SPATA13: variants seen among roughly 807,000 people sequenced by gnomAD.
The protein encoded by SPATA13 is spermatogenesis associated 13.
Under a neutral mutation model 104.0 loss-of-function variants are expected in SPATA13, and 50 were observed. That is an observed-to-expected ratio of 0.48 (90% CI 0.38 to 0.61). The LOEUF is 0.61. Ranked by LOEUF, SPATA13 falls within the 20% of genes least tolerant of loss-of-function variation. The pLI, the probability that SPATA13 is intolerant of heterozygous loss-of-function variation, is 0.00. For missense variants in SPATA13, 1,524 were observed against 1,690.6 expected, an observed-to-expected ratio of 0.90 and a Z score of 1.73; for synonymous variants, 606 against 667.5, an observed-to-expected ratio of 0.91 and a Z score of 1.42.
intron 1 of SPATA13, among the ~76,000 whole-genome samples, chr13:24,203,310 C>G (rs894693639): frequency 3.4e-4 from 52 of 152,046 alleles, no homozygotes; most frequent in African/African-American, 1.2e-3. Flanking sequence ...ACCAATTACC[C>G]TGACGGTAAT....
At chr13:24,239,127 C>A (rs1319868002) in intron 2 of SPATA13, among the ~76,000 whole-genome samples, 1 of 152,140 alleles carries the variant, frequency 6.6e-6, no homozygotes, top group African/African-American at 2.4e-5. Context: ...TTACCTTGTT[C>A]CTCATGTATC....
In SPATA13 at chr13:24,180,579, G is replaced by T. The variant is rs1486624624; in HGVS notation, c.-112+19647G>T. 2.0e-5 allele frequency among the ~76,000 whole-genome samples: 3 copies of T among 152,252 alleles called. No homozygotes were observed. In the East Asian group the frequency reaches 5.8e-4, roughly 29 times the overall value. On this transcript the variant is annotated intron_variant, in intron 1 of 12. Coordinates refer to ENST00000382108, the MANE Select transcript of SPATA13 (RefSeq NM_001166271.3). Reference sequence around the variant, plus strand: ...GTACTGAATCTGTAGCTGAATTTGGGATGCATTGCCATTTTAACAATACCA... The same window carrying T: ...GTACTGAATCTGTAGCTGAATTTGGTATGCATTGCCATTTTAACAATACCA...
At chr13:24,289,340 CA>C (rs1181803268) in intron 8 of SPATA13, among the ~76,000 whole-genome samples, 162 bp downstream of exon 8, 2 of 152,140 alleles carry the variant, frequency 1.3e-5, no homozygotes, top group African/African-American at 4.8e-5. Context: ...ATCATATAAA[CA>C]AAATCTGTAT....
chr13:24,149,161 G>A (rs926500217), intron 3 of SPATA13, among the ~76,000 whole-genome samples: 1 of 152,200 alleles, frequency 6.6e-6, no homozygotes, highest in Non-Finnish European at 1.5e-5. Flanking sequence ...CCATCACACT[G>A]GGTCGTTTTC....
At position 24,049,463 on chromosome 13, in the gene SPATA13, G is replaced by A. The variant is rs116284400; in HGVS notation, c.-112+31762G>A. On this transcript the variant is annotated intron_variant, in intron 3 of 14. Coordinates refer to the SPATA13 transcript ENST00000424834. ...ATCTAGGTTTGTGTGAGTACGCTCC[G>A]TGTTGTTCACACAGCAACAACATCG... Among the ~76,000 whole-genome samples, 1,438 of 152,246 alleles carry A rather than the reference G, an allele frequency of 9.4e-3. 26 individuals carry two copies. The highest frequency in any genetic ancestry group is 0.031 in the African/African-American group (1,300 of 41,528).
At chr13:24,053,238 T>C (rs1019746033) in intron 3 of SPATA13, among the ~76,000 whole-genome samples, 1 of 152,134 alleles carries the variant, frequency 6.6e-6, no homozygotes, top group Non-Finnish European at 1.5e-5. Context: ...TAAGTTAGCA[T>C]AGAGTTTCAG....
chr13:24,294,004 C>A (rs1016356788), intron 9 of SPATA13, among the ~76,000 whole-genome samples: 6 of 152,184 alleles, frequency 3.9e-5, no homozygotes, highest in Non-Finnish European at 8.8e-5. Context: ...GTCTCCATGG[C>A]CCCGCATTAT....
intron 3 of SPATA13, among the ~76,000 whole-genome samples, chr13:24,138,098 G>A (rs1416023005): frequency 2.0e-5 from 3 of 151,690 alleles, no homozygotes; most frequent in Non-Finnish European, 2.9e-5. Context: ...TCAGGAATTC[G>A]AGACCAGCCT....
intron 4 of SPATA13, among the ~76,000 whole-genome samples, chr13:24,274,171 C>A (rs1874813449): frequency 6.6e-6 from 1 of 152,180 alleles, no homozygotes; most frequent in African/African-American, 2.4e-5. Flanking sequence ...AATCAGAATC[C>A]ATTGCCTGCA....
chr13:24,123,170 C>T lies in SPATA13; in HGVS notation c.-111-99649C>T, dbSNP rs535974322. 4.9e-5 allele frequency: 59 copies of T among 1,200,144 alleles called. No individual in the cohort carries two copies. The African/African-American group carries it at 8.3e-4, about 17-fold the overall frequency. 74.3% of individuals were successfully genotyped at this position (1,200,144 alleles called of 1,614,324 possible). A position where few individuals can be genotyped will look rare whatever the true frequency, so the allele number is the denominator to read the frequency against. ...CTCTGATAATATGAAGAAGAGCCTG[C>T]ATTACAGGTCTGATGAATGGTGTGA... On this transcript the variant is annotated intron_variant, in intron 3 of 14. Transcript: ENST00000424834.
At chr13:23,990,170 C>T (rs137997619) in intron 2 of SPATA13, among the ~76,000 whole-genome samples, 2 of 152,292 alleles carry the variant, frequency 1.3e-5, no homozygotes, top group Non-Finnish European at 2.9e-5. Context: ...GCTGGATTCC[C>T]TCAGCCACCT....
intron 2 of SPATA13, among the ~76,000 whole-genome samples, chr13:23,996,908 G>A (rs1284679925): frequency 2.6e-5 from 4 of 152,122 alleles, no homozygotes; most frequent in Non-Finnish European, 4.4e-5. Context: ...GGATCCTTGT[G>A]CTCACAGTGG....
At chr13:24,116,315 A>G (rs1477618724) in intron 3 of SPATA13, among the ~76,000 whole-genome samples, 1 of 152,194 alleles carries the variant, frequency 6.6e-6, no homozygotes, top group Non-Finnish European at 1.5e-5. Flanking sequence ...CTCTGCTTTC[A>G]TGACTCATCA....
At chr13:24,073,333 G>A (rs992176916) in intron 3 of SPATA13, among the ~76,000 whole-genome samples, 2 of 152,190 alleles carry the variant, frequency 1.3e-5, no homozygotes, top group Admixed American at 6.5e-5. Context: ...TAGGGCCCAG[G>A]CAAGTGGCTT....
chr13:24,064,024 T>G (rs1483629517), intron 3 of SPATA13, among the ~76,000 whole-genome samples: 1 of 152,142 alleles, frequency 6.6e-6, no homozygotes, highest in African/African-American at 2.4e-5. Flanking sequence ...CTGGATCTGC[T>G]CCATCTCTGC....
At chr13:24,004,637 G>C (rs1245344954) in intron 2 of SPATA13, among the ~76,000 whole-genome samples, 3 of 152,194 alleles carry the variant, frequency 2.0e-5, no homozygotes, top group Non-Finnish European at 4.4e-5. Context: ...GAAGACGCAG[G>C]TGTGGTCAGC....
At chr13:24,043,993 C>T (rs1456319103) in intron 3 of SPATA13, among the ~76,000 whole-genome samples, 1 of 152,156 alleles carries the variant, frequency 6.6e-6, no homozygotes, top group Non-Finnish European at 1.5e-5. Context: ...TGGATTTACA[C>T]TGGTGGAGCA....
intron 3 of SPATA13, among the ~76,000 whole-genome samples, chr13:24,050,252 G>T (rs959606047): frequency 6.6e-5 from 10 of 152,290 alleles, no homozygotes; most frequent in African/African-American, 2.4e-4. Flanking sequence ...AAGTATAATA[G>T]ATATTAAAAA....
At chr13:24,257,464 AGT>A (rs1873847197) in intron 4 of SPATA13, among the ~76,000 whole-genome samples, 1 of 152,266 alleles carries the variant, frequency 6.6e-6, no homozygotes, top group South Asian at 2.1e-4. Context: ...AAAAGAGGAA[AGT>A]CAAGATGAGG....
Sources: gnomAD v4.1 joint callset for allele counts (sites outside exome capture counted in the v4.1 genomes callset) on GRCh38, gnomAD v4.1.1 for gene constraint, MANE v1.5 for transcripts, NCBI Gene and HGNC (gene_info 2026-07-23, HGNC 2026-07-21) for gene names.